The following GLB1 variants were observed in gnomAD, a reference collection of about 807,000 sequenced individuals.
GLB1 encodes beta-galactosidase.
GLB1 carries 56 observed loss-of-function variants against 74.0 expected under a neutral mutation model. The ratio of observed to expected loss-of-function variants is 0.76; its 90% CI spans 0.61 to 0.94. GLB1 has a LOEUF of 0.94. Among genes scored for constraint, GLB1 ranks in the 40% least tolerant of loss-of-function variants. GLB1 has a pLI of 0.00. For missense variants in GLB1, 787 were observed against 845.5 expected, an observed-to-expected ratio of 0.93 and a Z score of 0.86; for synonymous variants, 323 against 323.6, an observed-to-expected ratio of 1.00 and a Z score of 0.02.
chr3:33,032,263 G>A (rs1167985658), intron 10 of GLB1, among the ~76,000 whole-genome samples: 1 of 152,100 alleles, frequency 6.6e-6, no homozygotes, highest in Non-Finnish European at 1.5e-5. Context: ...TGCACTGATC[G>A]CCCCAGAATC....
chr3:33,058,258 T>C lies in GLB1; in HGVS notation c.564A>G (p.Glu188=), dbSNP rs1281055133. The C allele has an allele frequency of 6.2e-7, 1 of 1,614,166 alleles. No homozygotes were observed. Residue 188 remains glutamate (E), a synonymous_variant, in exon 6 of 16, where the codon GAA becomes GAG. Coordinates refer to ENST00000307363, the MANE Select transcript of GLB1 (RefSeq NM_000404.4). ...AATCACAGGCAAAGTAGCTGCCATA[T>C]TCATTTTCAACCTGTGAGTGAAAAA... is the stretch of plus-strand genomic sequence containing the variant. ...GPVITVQVEN[E]YGSYFACDFD...
In GLB1 at chr3:33,072,537, T is replaced by C; in HGVS notation, c.245+7A>G. On this transcript the variant is annotated splice_region_variant and intron_variant, in intron 2 of 15. Transcript: ENST00000307363. ...CCTAGGTGAGAGCCACATGCCCTCCTACTTACGTCTGGATGGCGTTCAGCC... is the reference window on the plus strand; with the variant it reads ...CCTAGGTGAGAGCCACATGCCCTCCCACTTACGTCTGGATGGCGTTCAGCC... The C allele has an allele frequency of 6.2e-7, 1 of 1,612,938 alleles. No homozygotes were observed. The highest frequency in any genetic ancestry group is 8.5e-7 in the Non-Finnish European group (1 of 1,179,996).
chr3:32,980,694 T>C, the GLB1 span, among the ~76,000 whole-genome samples: 2 of 151,984 alleles, frequency 1.3e-5, no homozygotes, highest in South Asian at 2.1e-4. Flanking sequence ...GGTAGGAGAA[T>C]TGCTTGAACC....
intron 15 of GLB1, among the ~76,000 whole-genome samples, chr3:33,005,306 A>C (rs1696741232): frequency 6.6e-6 from 1 of 152,170 alleles, no homozygotes; most frequent in African/African-American, 2.4e-5. Context: ...ATTTCTTACT[A>C]TACTATTCCC....
At chr3:32,977,000 A>G in the GLB1 span, among the ~76,000 whole-genome samples, 1 of 152,088 alleles carries the variant, frequency 6.6e-6, no homozygotes, top group Non-Finnish European at 1.5e-5. Flanking sequence ...CCTGATGTGG[A>G]TAAGTTTTTT....
Position 33,034,375 on chromosome 3 carries a change from G to A in GLB1, c.1069-10050C>T, listed in dbSNP as rs1698183432. On this transcript the variant is annotated intron_variant, in intron 10 of 15. Transcript: ENST00000307363. Reference sequence around the variant, plus strand: ...TACCTGGAAGCCTCATAGACCAGCTGTTCAGGCAGAAACCCAATTACATCA... The same window carrying A: ...TACCTGGAAGCCTCATAGACCAGCTATTCAGGCAGAAACCCAATTACATCA... 6 of 757,502 alleles carry A rather than the reference G, an allele frequency of 7.9e-6. No individual in the cohort carries two copies. In the South Asian group the frequency reaches 8.2e-5, roughly 10 times the overall value. 46.9% of individuals were successfully genotyped at this position (757,502 alleles called of 1,614,324 possible).
chr3:33,025,511 C>CT (rs556148366), intron 10 of GLB1, among the ~76,000 whole-genome samples: 70 of 148,880 alleles, frequency 4.7e-4, no homozygotes, highest in Middle Eastern at 3.4e-3. Flanking sequence ...TTCTTTCCTT[C>CT]TTTTTTTTTT....
intron 15 of GLB1, among the ~76,000 whole-genome samples, chr3:33,012,447 C>T (rs1346432244): frequency 6.6e-6 from 1 of 152,096 alleles, no homozygotes; most frequent in Non-Finnish European, 1.5e-5. Context: ...CAAGAGAGCT[C>T]CTTTGCCCCT....
rs909892065 is a variant in GLB1 at position 33,084,002 on chromosome 3, G to A, written c.76-11289C>T. Reference sequence around the variant, plus strand: ...GAAGCTCAGTGACATCACAGATTATGGGTCATGCTGATTATGTGAAGATGA... The same window carrying A: ...GAAGCTCAGTGACATCACAGATTATAGGTCATGCTGATTATGTGAAGATGA... On this transcript the variant is annotated intron_variant, in intron 1 of 15. Coordinates refer to ENST00000307363, the MANE Select transcript of GLB1 (RefSeq NM_000404.4). Among the ~76,000 whole-genome samples, 10 of 152,286 alleles carry A rather than the reference G, an allele frequency of 6.6e-5. No homozygotes were observed. The Middle Eastern group carries it at 0.02, about 311-fold the overall frequency.
chr3:33,088,404 C>T (rs937654576), intron 1 of GLB1, among the ~76,000 whole-genome samples: 1 of 150,634 alleles, frequency 6.6e-6, no homozygotes, highest in African/African-American at 2.4e-5. Context: ...CACACACACA[C>T]ACACACAAAC....
intron 10 of GLB1, chr3:33,034,399 CAAG>C (rs1299849158): frequency 1.7e-5 from 13 of 751,190 alleles, no homozygotes; most frequent in Non-Finnish European, 3.2e-5. Context: ...CCAATTACAT[CAAG>C]AAGTTTCCAT....
intron 10 of GLB1, among the ~76,000 whole-genome samples, chr3:33,029,216 T>G (rs1326149751): frequency 6.6e-6 from 1 of 152,218 alleles, no homozygotes; most frequent in Non-Finnish European, 1.5e-5. Context: ...TAAACCATTA[T>G]TTTTCCATAA....
chr3:33,021,612 C>G lies in GLB1; in HGVS notation c.1187G>C (p.Gly396Ala). 6.2e-7 allele frequency: 1 copy of G among 1,614,014 alleles called. No homozygotes were observed. The highest frequency in any genetic ancestry group is 1.6e-4 in the Middle Eastern group (1 of 6,062). The stretch of plus-strand genomic sequence containing the variant: ...CAAGGGATAAAGGCTTTTGATGGGC[C>G]CAGAGGGACACAGAATGTCCAGAGC... ...GAALDILCPSGPIKSLYPLTF... is the reference protein window; with the variant it reads ...GAALDILCPSAPIKSLYPLTF... The change falls in exon 12 of 16, where the codon GGG becomes GCG. Residue 396 changes from glycine (G) to alanine (A), a missense_variant. Gly to Ala is a moderately conservative substitution (Grantham distance 60). Transcript: ENST00000307363.
chr3:33,032,455 G>C (rs2125493382), intron 10 of GLB1, among the ~76,000 whole-genome samples: 1 of 152,244 alleles, frequency 6.6e-6, no homozygotes, highest in South Asian at 2.1e-4. Flanking sequence ...GCCGATCCCA[G>C]TACCCACCTA....
chr3:33,060,575 C>T (rs1409293673), intron 5 of GLB1, among the ~76,000 whole-genome samples: 1 of 152,160 alleles, frequency 6.6e-6, no homozygotes, highest in Admixed American at 6.5e-5. Context: ...TGAGCTCACC[C>T]CCATGCCCAA....
chr3:32,994,420 G>T (rs1395498395), downstream of GLB1, among the ~76,000 whole-genome samples: 2 of 152,188 alleles, frequency 1.3e-5, no homozygotes, highest in African/African-American at 4.8e-5. Context: ...TTTTCCAAAG[G>T]TAGCATCCAT....
Position 33,014,220 on chromosome 3 carries a change from G to C in GLB1, c.1570C>G (p.Leu524Val), listed in dbSNP as rs1432723264. The C allele has an allele frequency of 6.2e-7, 1 of 1,614,178 alleles. No individual in the cohort carries two copies. The highest frequency in any genetic ancestry group is 8.5e-7 in the Non-Finnish European group (1 of 1,180,024). The change falls in exon 15 of 16, where the codon CTG becomes GTG. Residue 524 changes from leucine to valine, a missense_variant. Coordinates refer to ENST00000307363, the MANE Select transcript of GLB1 (RefSeq NM_000404.4). ...CTGTCACGGTGTCCCCAGCCCCCCA[G>C]GTGGCTGCACACTGCATCCTCAGTG... ...LDTEDAVCSH[L>V]GGWGHRDSGH...
intron 10 of GLB1, among the ~76,000 whole-genome samples, chr3:33,024,925 G>A (rs1404569375): frequency 2.0e-5 from 3 of 151,738 alleles, no homozygotes; most frequent in African/African-American, 2.4e-5. Flanking sequence ...AGATAAGTCC[G>A]GGTGGAGAAT....
intron 10 of GLB1, among the ~76,000 whole-genome samples, chr3:33,045,134 T>C (rs1444161258): frequency 2.0e-5 from 3 of 152,242 alleles, no homozygotes. Flanking sequence ...TGTCAGGAAC[T>C]GTCCTGGATG....
Sources: gnomAD v4.1 joint callset for allele counts (sites outside exome capture counted in the v4.1 genomes callset) on GRCh38, gnomAD v4.1.1 for gene constraint, MANE v1.5 for transcripts, NCBI Gene and HGNC (gene_info 2026-07-23, HGNC 2026-07-21) for gene names.